Variants in LINGO1 observed in about 807,000 individuals in gnomAD.
LINGO1 encodes leucine-rich repeat and immunoglobulin-like domain-containing nogo receptor-interacting protein 1.
LINGO1 carries 11 observed loss-of-function variants against 37.3 expected under a neutral mutation model. That is an observed-to-expected ratio of 0.29 (90% CI 0.19 to 0.49). The LOEUF (loss-of-function observed/expected upper bound fraction) is 0.49, where lower values mean the gene tolerates loss of function less well. Among genes scored for constraint, LINGO1 ranks in the 20% least tolerant of loss-of-function variants. The pLI, the probability that LINGO1 is intolerant of heterozygous loss-of-function variation, is 0.99. For missense variants in LINGO1, 585 were observed against 878.2 expected (o/e 0.67, Z 4.22); for synonymous variants, 387 against 403.0 (o/e 0.96, Z 0.48).
intron 3 of LINGO1, chr15:77,647,783 C>G (rs976292836): frequency 6.7e-6 from 3 of 447,546 alleles, no homozygotes; most frequent in Admixed American, 2.4e-5. Context: ...ACCCCTCTCT[C>G]TCTTCTTTCC....
intron 2 of LINGO1, among the ~76,000 whole-genome samples, chr15:77,722,764 G>T (rs1185069901): frequency 6.6e-6 from 1 of 152,330 alleles, no homozygotes; most frequent in East Asian, 1.9e-4. Context: ...CGTGGGTGTA[G>T]AGGAAAGAGG....
intron 1 of LINGO1, among the ~76,000 whole-genome samples, chr15:77,741,949 T>C (rs1036624286): frequency 1.1e-4 from 16 of 152,064 alleles, no homozygotes; most frequent in Admixed American, 2.0e-4. Context: ...GAGAAAGAGA[T>C]GGGCAAGGGA....
intron 2 of LINGO1, among the ~76,000 whole-genome samples, chr15:77,678,795 GT>G (rs2075368382): frequency 6.6e-6 from 1 of 152,210 alleles, no homozygotes; most frequent in African/African-American, 2.4e-5. Flanking sequence ...ACCTAGGAGA[GT>G]TCCAGTGGCT....
chr15:77,792,224 GGC>G (rs1386029682), intron 2 of LINGO1, among the ~76,000 whole-genome samples: 2 of 152,306 alleles, frequency 1.3e-5, no homozygotes, highest in East Asian at 3.9e-4. Context: ...TTCCCAGGCT[GGC>G]CCTCTCCCAG....
At chr15:77,711,899 C>A (rs572869575) in intron 2 of LINGO1, among the ~76,000 whole-genome samples, 4 of 152,086 alleles carry the variant, frequency 2.6e-5, no homozygotes, top group Non-Finnish European at 5.9e-5. Context: ...GGGCACACAG[C>A]GACATTCTGC....
intron 1 of LINGO1, among the ~76,000 whole-genome samples, chr15:77,780,477 G>A (rs2076704905): frequency 6.6e-6 from 1 of 152,094 alleles, no homozygotes; most frequent in African/African-American, 2.4e-5. Context: ...ATTATGGAGT[G>A]TCTAGTATGC....
chr15:77,802,403 C>T (rs1194708737), intron 1 of LINGO1, among the ~76,000 whole-genome samples: 2 of 150,348 alleles, frequency 1.3e-5, no homozygotes, highest in East Asian at 3.9e-4. Context: ...CCTGTGCCCC[C>T]GGGTGTTCCC....
At chr15:77,680,390 T>A (rs952080317) in intron 2 of LINGO1, among the ~76,000 whole-genome samples, 11 of 152,304 alleles carry the variant, frequency 7.2e-5, no homozygotes, top group African/African-American at 2.6e-4. Context: ...ACTGCCCCTT[T>A]GGGGGCAGGT....
chr15:77,726,512 C>T (rs4360891), intron 2 of LINGO1, among the ~76,000 whole-genome samples: 75,802 of 152,148 alleles, frequency 0.5, 19,061 homozygotes, highest in Admixed American at 0.6. Flanking sequence ...GCAGTTGCTA[C>T]GGCCTCTGCT....
chr15:77,658,561 A>G (rs1319623631), intron 3 of LINGO1, among the ~76,000 whole-genome samples: 1 of 152,238 alleles, frequency 6.6e-6, no homozygotes, highest in Non-Finnish European at 1.5e-5. Context: ...CAGACTGACA[A>G]ACTGGGACTT....
At chr15:77,627,945 C>G (rs561164464) in intron 1 of LINGO1, among the ~76,000 whole-genome samples, 1 of 152,188 alleles carries the variant, frequency 6.6e-6, no homozygotes, top group East Asian at 1.9e-4. Flanking sequence ...TGCTGCCCAT[C>G]TCAACCCACA....
chr15:77,710,331 A>G (rs1329707870), intron 2 of LINGO1, among the ~76,000 whole-genome samples: 2 of 152,222 alleles, frequency 1.3e-5, no homozygotes, highest in Non-Finnish European at 2.9e-5. Context: ...ATTGGCGCTG[A>G]GCGGCAGAGG....
chr15:77,665,227 C>T (rs1010025146), intron 3 of LINGO1, among the ~76,000 whole-genome samples: 1 of 152,228 alleles, frequency 6.6e-6, no homozygotes, highest in Non-Finnish European at 1.5e-5. Context: ...GCACTCAAGG[C>T]CCCTTGCCCA....
chr15:77,738,248 C>G (rs1048455644), intron 1 of LINGO1, among the ~76,000 whole-genome samples: 1 of 152,110 alleles, frequency 6.6e-6, no homozygotes, highest in Non-Finnish European at 1.5e-5. Flanking sequence ...CCACCTCTGG[C>G]CCCAAACTAT....
At chr15:77,770,587 CAAAAAAAAAAAA>C (rs71145861) in intron 1 of LINGO1, among the ~76,000 whole-genome samples, 1 of 79,326 alleles carries the variant, frequency 1.3e-5, no homozygotes, top group African/African-American at 5.3e-5. Flanking sequence ...GACTCTGTCT[CAAAAAAAAAAAA>C]AAAAAAAAAA....
upstream of LINGO1, among the ~76,000 whole-genome samples, chr15:77,635,255 C>T (rs569532690): frequency 1.1e-3 from 169 of 152,366 alleles, no homozygotes; most frequent in Non-Finnish European, 2.1e-3. Context: ...AGACATGACC[C>T]CTCCCAGCTC....
At chr15:77,734,760 A>G (rs914203817) in intron 2 of LINGO1, among the ~76,000 whole-genome samples, 3 of 152,082 alleles carry the variant, frequency 2.0e-5, no homozygotes, top group African/African-American at 7.2e-5. Context: ...GACCCATCAG[A>G]CCAGGGAGCT....
chr15:77,645,466 C>T (rs566060521), intron 3 of LINGO1, among the ~76,000 whole-genome samples: 6 of 152,246 alleles, frequency 3.9e-5, no homozygotes, highest in Non-Finnish European at 7.3e-5. Flanking sequence ...AGCAGAGTCC[C>T]ATTTACTTAA....
intron 3 of LINGO1, chr15:77,652,404 T>A (rs1462377798): frequency 6.6e-6 from 1 of 151,968 alleles, no homozygotes; most frequent in Admixed American, 6.6e-5. Flanking sequence ...CTCTGCACTA[T>A]GAAATTATGA....
Sources: allele counts gnomAD v4.1 joint callset (sites outside exome capture counted in the v4.1 genomes callset), GRCh38; gene constraint gnomAD v4.1.1; transcripts MANE v1.5; gene names NCBI Gene and HGNC (gene_info 2026-07-23, HGNC 2026-07-21).